LRBA: variants seen among roughly 807,000 people sequenced by gnomAD.
The protein encoded by LRBA is LPS responsive beige-like anchor protein, also known as lipopolysaccharide-responsive and beige-like anchor protein.
Under a neutral mutation model 330.0 loss-of-function variants are expected in LRBA, and 176 were observed. That is an observed-to-expected ratio of 0.53 (90% confidence interval 0.47 to 0.60). The LOEUF (loss-of-function observed/expected upper bound fraction) is 0.60. Among genes scored for constraint, LRBA ranks in the 20% least tolerant of loss-of-function variants. The pLI, the probability that LRBA is intolerant of heterozygous loss-of-function variation, is 0.00. For synonymous variants in LRBA, 1,230 were observed against 1,193.0 expected (o/e 1.03, Z -0.64); for missense variants, 3,259 against 3,444.8 (o/e 0.95, Z 1.35).
intron 36 of LRBA, among the ~76,000 whole-genome samples, chr4:150,724,442 C>T (rs1173519065): frequency 6.6e-6 from 1 of 152,146 alleles, no homozygotes; most frequent in African/African-American, 2.4e-5. Flanking sequence ...ACCTGGAAAG[C>T]CTTCCCAAGG....
chr4:150,758,284 A>G (rs1317217382), intron 35 of LRBA, among the ~76,000 whole-genome samples: 1 of 152,178 alleles, frequency 6.6e-6, no homozygotes, highest in African/African-American at 2.4e-5. Flanking sequence ...CTAAATGAAG[A>G]CACTATTTCT....
At chr4:150,576,165 A>T (rs1368960221) in intron 40 of LRBA, among the ~76,000 whole-genome samples, 125 of 8,034 alleles carry the variant, frequency 0.016, no homozygotes, top group Non-Finnish European at 0.027. Context: ...ACTGGTTTTT[A>T]AAAAAAAAAA....
intron 44 of LRBA, among the ~76,000 whole-genome samples, chr4:150,441,154 A>T (rs1751783663): frequency 6.6e-6 from 1 of 152,068 alleles, no homozygotes; most frequent in African/African-American, 2.4e-5. Flanking sequence ...TATTTGATGA[A>T]GAATATTTAA....
At chr4:150,472,133 C>A (rs951095205) in intron 42 of LRBA, among the ~76,000 whole-genome samples, 1 of 151,972 alleles carries the variant, frequency 6.6e-6, no homozygotes, top group African/African-American at 2.4e-5. Context: ...TAAATGAACA[C>A]ATTTTTACAT....
In LRBA at chr4:150,312,865, G is replaced by GT. The variant is rs1198453501; in HGVS notation, c.7694-2482dup. On this transcript the variant is annotated intron_variant, in intron 51 of 56. Coordinates refer to ENST00000651943, the MANE Select transcript of LRBA (RefSeq NM_001364905.1). ...CTTTCCCATCTATTTTCCTAAGTGA[G>GT]TAACACTGCTCAGAGGTTCCATCTA... is the stretch of plus-strand genomic sequence containing the variant. 1.5e-3 allele frequency among the ~76,000 whole-genome samples: 224 copies of GT among 152,096 alleles called. 1 individual carries two copies. Among genetic ancestry groups the GT allele is most frequent in the African/African-American group, 5.0e-3 (206 of 41,504 alleles).
chr4:150,831,783 C>T (rs1747230850), intron 29 of LRBA, 34 bp downstream of exon 29: 1 of 1,509,866 alleles, frequency 6.6e-7, no homozygotes, highest in Non-Finnish European at 8.9e-7. Flanking sequence ...TTTATTTGAA[C>T]TTTGGTACAA....
intron 37 of LRBA, among the ~76,000 whole-genome samples, chr4:150,623,534 T>C (rs1478715409): frequency 6.6e-6 from 1 of 152,136 alleles, no homozygotes; most frequent in Non-Finnish European, 1.5e-5. Flanking sequence ...ATACACAGCA[T>C]AGCCACATTT....
intron 46 of LRBA, among the ~76,000 whole-genome samples, chr4:150,427,910 G>A (rs2151976928): frequency 6.6e-6 from 1 of 152,068 alleles, no homozygotes; most frequent in South Asian, 2.1e-4. Context: ...TAACATGGTA[G>A]AAGATGTGCT....
At chr4:150,626,934 T>G (rs1776920838) in intron 37 of LRBA, among the ~76,000 whole-genome samples, 1 of 152,136 alleles carries the variant, frequency 6.6e-6, no homozygotes, top group African/African-American at 2.4e-5. Context: ...AGTAACTCAC[T>G]TCTTCTAAAA....
chr4:150,401,428 A>G (rs886850490), intron 47 of LRBA, among the ~76,000 whole-genome samples: 2 of 152,186 alleles, frequency 1.3e-5, no homozygotes, highest in Non-Finnish European at 2.9e-5. Context: ...CTGAGAACCT[A>G]TTGTAATTAT....
At chr4:150,894,498 T>C (rs993767641) in intron 16 of LRBA, among the ~76,000 whole-genome samples, 2 of 152,246 alleles carry the variant, frequency 1.3e-5, no homozygotes, top group African/African-American at 4.8e-5. Flanking sequence ...CTTTGTTGCA[T>C]ATACCAATAT....
At chr4:150,443,864 ATATATATATTTTTTTT>A in intron 44 of LRBA, among the ~76,000 whole-genome samples, 1 of 66,168 alleles carries the variant, frequency 1.5e-5, no homozygotes, top group South Asian at 5.0e-4. Flanking sequence ...ATATATATAT[ATATATATATTTTTTTT>A]TTTTTTTTTT....
chr4:150,741,985 TA>T, intron 35 of LRBA, among the ~76,000 whole-genome samples: 1 of 152,070 alleles, frequency 6.6e-6, no homozygotes, highest in Admixed American at 6.6e-5. Context: ...AGCGCTTTTA[TA>T]ACACCATTTA....
At chr4:150,289,036 G>A (rs1490561433) in intron 53 of LRBA, among the ~76,000 whole-genome samples, 1 of 152,152 alleles carries the variant, frequency 6.6e-6, no homozygotes, top group East Asian at 1.9e-4. Context: ...CATGGTGGAA[G>A]AAGGGAGAGG....
At chr4:150,490,527 A>G (rs1758780714) in intron 41 of LRBA, among the ~76,000 whole-genome samples, 1 of 151,916 alleles carries the variant, frequency 6.6e-6, no homozygotes, top group African/African-American at 2.4e-5. Flanking sequence ...CACATATATC[A>G]CACAAAAGAT....
chr4:150,914,138 C>A, intron 9 of LRBA, 57 bp downstream of exon 9: 2 of 1,428,558 alleles, frequency 1.4e-6, no homozygotes, highest in South Asian at 1.7e-5. Context: ...ATGTATAACC[C>A]ACCTTCAAAT....
At chr4:150,480,106 GTTC>G (rs1402113349) in intron 42 of LRBA, among the ~76,000 whole-genome samples, 2 of 152,102 alleles carry the variant, frequency 1.3e-5, no homozygotes, top group African/African-American at 4.8e-5. Context: ...GCTCTTTCCA[GTTC>G]TTAAATTAGT....
chr4:150,728,638 G>T (rs1730028364), intron 36 of LRBA, among the ~76,000 whole-genome samples: 1 of 150,290 alleles, frequency 6.7e-6, no homozygotes, highest in African/African-American at 2.5e-5. Context: ...ATCTGATAAA[G>T]TACAACATCC....
In LRBA at chr4:150,423,214, T is replaced by A; in HGVS notation, c.7042-7624A>T. 2.2e-6 allele frequency: 3 copies of A among 1,374,782 alleles called. No homozygotes were observed. The Admixed American group carries it at 5.4e-5, about 25-fold the overall frequency. 85.2% of individuals were successfully genotyped at this position (1,374,782 alleles called of 1,614,324 possible). Reference sequence around the variant, plus strand: ...GGCTTTCTTGGCTCTGGAGAAGTCGTTCACCCAAACGCTGCCAAGCAAACA... The same window carrying A: ...GGCTTTCTTGGCTCTGGAGAAGTCGATCACCCAAACGCTGCCAAGCAAACA... On this transcript the variant is annotated intron_variant, in intron 46 of 56. Transcript: ENST00000651943.
Sources: allele counts gnomAD v4.1 joint callset (sites outside exome capture counted in the v4.1 genomes callset), GRCh38; gene constraint gnomAD v4.1.1; transcripts MANE v1.5; gene names NCBI Gene and HGNC (gene_info 2026-07-23, HGNC 2026-07-21).